NFIB: variants seen among roughly 807,000 people sequenced by gnomAD.
NFIB encodes nuclear factor I B, also known as nuclear factor 1 B-type.
NFIB carries 11 observed loss-of-function variants against 61.5 expected under a neutral mutation model. The observed-to-expected ratio is 0.18, with a 90% CI of 0.11 to 0.30. The LOEUF (loss-of-function observed/expected upper bound fraction) is 0.30. NFIB is among the 10% of genes least tolerant of loss of function. NFIB has a pLI of 1.00. For missense variants in NFIB, 471 were observed against 608.9 expected (o/e 0.77, Z 2.38); for synonymous variants, 260 against 216.5 (o/e 1.20, Z -1.76).
intron 3 of NFIB, among the ~76,000 whole-genome samples, chr9:14,178,247 T>C (rs537442359): frequency 3.3e-5 from 5 of 152,240 alleles, no homozygotes; most frequent in Admixed American, 3.3e-4. Context: ...AAAAAAATCT[T>C]TGTAAAGTTA....
At chr9:14,460,838 C>T in the NFIB span, among the ~76,000 whole-genome samples, 1 of 151,982 alleles carries the variant, frequency 6.6e-6, no homozygotes, top group African/African-American at 2.4e-5. Context: ...ACATACAAGG[C>T]CTTCCACTGC....
intron 2 of NFIB, among the ~76,000 whole-genome samples, chr9:14,217,148 A>G (rs918132386): frequency 6.6e-6 from 1 of 152,212 alleles, no homozygotes; most frequent in African/African-American, 2.4e-5. Flanking sequence ...ATGATACTTA[A>G]GAAAGAATAA....
At chr9:14,358,069 A>G (rs987845169) in intron 1 of NFIB, among the ~76,000 whole-genome samples, 10 of 152,128 alleles carry the variant, frequency 6.6e-5, no homozygotes, top group Non-Finnish European at 8.8e-5. Context: ...AATTAATTGT[A>G]GTGATGGTTG....
At chr9:14,215,841 G>A (rs1426016231) in intron 2 of NFIB, among the ~76,000 whole-genome samples, 1 of 152,186 alleles carries the variant, frequency 6.6e-6, no homozygotes, top group Non-Finnish European at 1.5e-5. Context: ...TTGTAATTCA[G>A]ATAAATGACT....
intron 10 of NFIB, among the ~76,000 whole-genome samples, chr9:14,092,222 T>A (rs7857523): frequency 0.082 from 12,531 of 152,082 alleles, 1,718 homozygotes; most frequent in African/African-American, 0.28. Context: ...AGGGAAGATA[T>A]AGCAGTTGAT....
intron 1 of NFIB, among the ~76,000 whole-genome samples, chr9:14,338,009 G>C (rs941062383): frequency 1.1e-4 from 16 of 152,074 alleles, no homozygotes; most frequent in African/African-American, 3.4e-4. Context: ...TCTGTTCCTC[G>C]GTGTTGATTC....
chr9:14,090,003 A>C (rs1489135356), intron 10 of NFIB, among the ~76,000 whole-genome samples: 1 of 152,144 alleles, frequency 6.6e-6, no homozygotes, highest in Non-Finnish European at 1.5e-5. Flanking sequence ...TCTCTAGTAA[A>C]GTACCTAGCA....
Position 14,125,715 on chromosome 9 carries a change from G to C in NFIB, c.977C>G (p.Ser326Cys). Residue 326 changes from serine to cysteine, a missense_variant, in exon 7 of 11, where the codon TCT becomes TGT. By Grantham distance (112) the Ser-to-Cys change is moderately radical. Around this residue, in one of 2 missense-constraint regions of NFIB, gnomAD observed 372 missense variants for 395.6 expected, o/e 0.94. Transcript: ENST00000380953. ...TGGGGAAGAATCCTGTGGAGATGCAGAGCTGAACAATGGCTTTTCAGGCTT... is the reference window on the plus strand; with the variant it reads ...TGGGGAAGAATCCTGTGGAGATGCACAGCTGAACAATGGCTTTTCAGGCTT... ...MKKPEKPLFS[S>C]ASPQDSSPRL... The C allele has an allele frequency of 1.2e-6, 2 of 1,614,178 alleles. No homozygotes were observed. The highest frequency in any genetic ancestry group is 1.7e-6 in the Non-Finnish European group (2 of 1,180,004).
At chr9:14,102,454 G>A in intron 10 of NFIB, 1 of 1,550,362 alleles carries the variant, frequency 6.5e-7, no homozygotes, top group Non-Finnish European at 8.7e-7. Context: ...TATCCTCACT[G>A]GTACTGGGGT....
At chr9:14,506,720 G>T in the NFIB span, among the ~76,000 whole-genome samples, 2 of 152,210 alleles carry the variant, frequency 1.3e-5, no homozygotes, top group South Asian at 4.1e-4. Context: ...CACCCTTAAA[G>T]GTTTGGTTGA....
the NFIB span, among the ~76,000 whole-genome samples, chr9:14,442,489 C>T: frequency 6.6e-6 from 1 of 152,146 alleles, no homozygotes; most frequent in African/African-American, 2.4e-5. Flanking sequence ...GTGGCTTCAA[C>T]AGCAGAGACC....
chr9:14,441,985 G>A, the NFIB span, among the ~76,000 whole-genome samples: 1 of 152,064 alleles, frequency 6.6e-6, no homozygotes, highest in African/African-American at 2.4e-5. Context: ...ATAGTAATAC[G>A]GCAGGCACTG....
upstream of NFIB, among the ~76,000 whole-genome samples, chr9:14,315,607 C>T (rs1344075497): frequency 1.4e-5 from 2 of 146,148 alleles, no homozygotes; most frequent in African/African-American, 4.9e-5. Flanking sequence ...CTGAGCCGCT[C>T]GGCGCCCGCG....
chr9:14,525,874 C>T, the NFIB span, among the ~76,000 whole-genome samples: 1 of 152,042 alleles, frequency 6.6e-6, no homozygotes, highest in Non-Finnish European at 1.5e-5. Flanking sequence ...TTTGGGGCAC[C>T]TACTAAGTGC....
the NFIB span, among the ~76,000 whole-genome samples, chr9:14,495,446 C>CTTTTTTTTTTTTTTTTTTTT: frequency 4.9e-4 from 58 of 117,248 alleles, 8 homozygotes; most frequent in African/African-American, 1.8e-3. Context: ...GAGAAATGAA[C>CTTTTTTTTTTTTTTTTTTTT]TTTTTTTTTT....
At chr9:14,321,970 G>T (rs2060671731) in intron 1 of NFIB, 2 of 1,230,074 alleles carry the variant, frequency 1.6e-6, no homozygotes, top group Non-Finnish European at 2.0e-6. Context: ...AAATAAAAGA[G>T]ATCTTGAGTC....
chr9:14,311,197 T>A (rs1430075422), intron 1 of NFIB, among the ~76,000 whole-genome samples: 1 of 152,208 alleles, frequency 6.6e-6, no homozygotes, highest in East Asian at 1.9e-4. Flanking sequence ...TAGGTCCTTT[T>A]AAATTAAGAT....
the NFIB span, among the ~76,000 whole-genome samples, chr9:14,414,946 T>G: frequency 6.6e-6 from 1 of 152,312 alleles, no homozygotes; most frequent in African/African-American, 2.4e-5. Context: ...TCTTGCTGAC[T>G]AATAAACCAC....
intron 2 of NFIB, among the ~76,000 whole-genome samples, chr9:14,198,293 T>C (rs1162246014): frequency 1.3e-5 from 2 of 152,194 alleles, no homozygotes; most frequent in Non-Finnish European, 2.9e-5. Flanking sequence ...GTTTCGGATG[T>C]TCACTATGGC....
Sources: allele counts gnomAD v4.1 joint callset (sites outside exome capture counted in the v4.1 genomes callset), GRCh38; gene constraint gnomAD v4.1.1; regional missense constraint gnomAD v4.1.1; transcripts MANE v1.5; gene names NCBI Gene and HGNC (gene_info 2026-07-23, HGNC 2026-07-21).